Variants in GMDS observed in about 807,000 individuals in gnomAD.
GMDS encodes GDP-mannose 4,6 dehydratase.
A neutral mutation model predicts 49.9 loss-of-function variants in GMDS; 20 were observed. The observed-to-expected ratio is 0.40, with a 90% CI of 0.28 to 0.58. The LOEUF (loss-of-function observed/expected upper bound fraction) is 0.58, where lower values mean the gene tolerates loss of function less well. Among genes scored for constraint, GMDS ranks in the 20% least tolerant of loss-of-function variants. GMDS has a pLI of 0.42. For synonymous variants in GMDS, 177 were observed against 178.6 expected (o/e 0.99, Z 0.07); for missense variants, 362 against 481.4 (o/e 0.75, Z 2.32).
At chr6:1,790,350 C>T (rs1368700134) in intron 7 of GMDS, among the ~76,000 whole-genome samples, 1 of 152,192 alleles carries the variant, frequency 6.6e-6, no homozygotes, top group African/African-American at 2.4e-5. Flanking sequence ...CATGGTCTTA[C>T]CACAGCCCAG....
intron 4 of GMDS, among the ~76,000 whole-genome samples, chr6:2,036,913 G>T (rs1291224493): frequency 2.0e-5 from 3 of 152,186 alleles, no homozygotes; most frequent in Admixed American, 1.3e-4. Flanking sequence ...CGTAAGTAAG[G>T]TTTTAAATAA....
At chr6:1,871,563 C>T (rs941253633) in intron 7 of GMDS, among the ~76,000 whole-genome samples, 2 of 152,230 alleles carry the variant, frequency 1.3e-5, no homozygotes, top group East Asian at 1.9e-4. Flanking sequence ...TTCTTTGTTA[C>T]AGAAATTACT....
intron 9 of GMDS, among the ~76,000 whole-genome samples, chr6:1,714,330 A>C (rs995279417): frequency 6.6e-6 from 1 of 152,118 alleles, no homozygotes; most frequent in African/African-American, 2.4e-5. Context: ...ACTTTTTCAG[A>C]AATTTAAAAA....
chr6:1,695,070 A>AC (rs1554108443), intron 9 of GMDS, among the ~76,000 whole-genome samples: 1 of 106,736 alleles, frequency 9.4e-6, no homozygotes, highest in Non-Finnish European at 2.4e-5. Flanking sequence ...CTATGAGCAA[A>AC]TTAAAAAAAA....
At chr6:1,624,280 T>A in intron 10 of GMDS, 49 bp from the exon 11 acceptor site, 1 of 1,544,722 alleles carries the variant, frequency 6.5e-7, no homozygotes, top group Non-Finnish European at 8.9e-7. Context: ...CACTCTCTCC[T>A]GGTGACACCC....
At chr6:1,793,301 A>C (rs1027503550) in intron 7 of GMDS, among the ~76,000 whole-genome samples, 2 of 152,200 alleles carry the variant, frequency 1.3e-5, no homozygotes, top group African/African-American at 4.8e-5. Context: ...GGAGCCTATG[A>C]ATCTGTTCTA....
intron 1 of GMDS, among the ~76,000 whole-genome samples, chr6:2,204,410 T>C (rs999529842): frequency 3.3e-5 from 5 of 152,202 alleles, no homozygotes; most frequent in African/African-American, 1.2e-4. Context: ...CTTTCACTCA[T>C]TCAACTAATA....
intron 6 of GMDS, among the ~76,000 whole-genome samples, chr6:1,944,966 T>C (rs564809245): frequency 2.6e-5 from 4 of 152,196 alleles, no homozygotes; most frequent in Non-Finnish European, 4.4e-5. Context: ...AAAAGATACT[T>C]ATTCACCCAA....
intron 9 of GMDS, among the ~76,000 whole-genome samples, chr6:1,673,371 T>TC (rs376015812): frequency 8.3e-4 from 126 of 151,696 alleles, no homozygotes; most frequent in African/African-American, 3.0e-3. Context: ...CAAAGGGCTT[T>TC]TTTTTTTTTT....
At chr6:1,887,309 G>A (rs1759654241) in intron 7 of GMDS, among the ~76,000 whole-genome samples, 1 of 152,112 alleles carries the variant, frequency 6.6e-6, no homozygotes, top group South Asian at 2.1e-4. Context: ...CAGGGTACCA[G>A]GAGGGATCTT....
At chr6:1,693,183 G>C (rs1765232845) in intron 9 of GMDS, among the ~76,000 whole-genome samples, 2 of 152,206 alleles carry the variant, frequency 1.3e-5, no homozygotes, top group African/African-American at 2.4e-5. Flanking sequence ...GGTGGAAACA[G>C]GCCACCTTCC....
chr6:2,122,850 C>A (rs1279635166), intron 2 of GMDS, among the ~76,000 whole-genome samples: 2 of 152,176 alleles, frequency 1.3e-5, no homozygotes, highest in Non-Finnish European at 2.9e-5. Context: ...TATCAGTTCA[C>A]GGATCTCTCT....
intron 7 of GMDS, among the ~76,000 whole-genome samples, chr6:1,794,598 A>G (rs1407163981): frequency 2.0e-5 from 3 of 152,206 alleles, no homozygotes; most frequent in African/African-American, 7.2e-5. Context: ...AGTAGGGTTA[A>G]CACTGTTGGG....
At chr6:2,042,465 G>A (rs1185108441) in intron 4 of GMDS, among the ~76,000 whole-genome samples, 1 of 152,092 alleles carries the variant, frequency 6.6e-6, no homozygotes, top group East Asian at 1.9e-4. Flanking sequence ...CCGTAGTGTG[G>A]CCAGAGTCAC....
At chr6:1,846,157 A>G (rs369490904) in intron 7 of GMDS, among the ~76,000 whole-genome samples, 1 of 150,770 alleles carries the variant, frequency 6.6e-6, no homozygotes, top group African/African-American at 2.5e-5. Flanking sequence ...CAGTGCCACA[A>G]TCACAGCTCA....
intron 7 of GMDS, among the ~76,000 whole-genome samples, chr6:1,775,960 T>C (rs3800056): frequency 0.35 from 53,604 of 151,968 alleles, 9,851 homozygotes; most frequent in East Asian, 0.49. Context: ...ATGGGAGGTA[T>C]GTGGGGTTTT....
intron 1 of GMDS, among the ~76,000 whole-genome samples, chr6:2,142,077 G>A (rs1175298019): frequency 6.6e-6 from 1 of 152,076 alleles, no homozygotes; most frequent in Non-Finnish European, 1.5e-5. Flanking sequence ...GTAAATTATG[G>A]CACTTGAACA....
intron 4 of GMDS, among the ~76,000 whole-genome samples, chr6:2,090,409 T>C (rs1773250041): frequency 6.6e-6 from 1 of 152,172 alleles, no homozygotes; most frequent in South Asian, 2.1e-4. Context: ...TAAACACATT[T>C]ATACACCACT....
intron 9 of GMDS, among the ~76,000 whole-genome samples, chr6:1,704,420 G>A (rs1461784399): frequency 6.6e-6 from 1 of 152,140 alleles, no homozygotes; most frequent in Non-Finnish European, 1.5e-5. Context: ...GAGGGTAACT[G>A]AGCAAGAGCG....
Sources: gnomAD v4.1 joint callset for allele counts (sites outside exome capture counted in the v4.1 genomes callset) on GRCh38, gnomAD v4.1.1 for gene constraint, MANE v1.5 for transcripts, NCBI Gene and HGNC (gene_info 2026-07-23, HGNC 2026-07-21) for gene names.